Variants in MCC observed in about 807,000 individuals in gnomAD.
MCC encodes colorectal mutant cancer protein.
Under a neutral mutation model 116.2 loss-of-function variants are expected in MCC, and 90 were observed. The ratio of observed to expected loss-of-function variants is 0.77; its 90% CI spans 0.65 to 0.92. The LOEUF is 0.92. MCC is among the 40% of genes least tolerant of loss of function. MCC has a pLI of 0.00. For synonymous variants in MCC, 578 were observed against 510.5 expected, an observed-to-expected ratio of 1.13 and a Z score of -1.78; for missense variants, 1,516 against 1,312.2, an observed-to-expected ratio of 1.16 and a Z score of -2.40.
At chr5:113,146,173 T>C (rs1335963159) in intron 4 of MCC, among the ~76,000 whole-genome samples, 1 of 133,152 alleles carries the variant, frequency 7.5e-6, no homozygotes, top group East Asian at 2.3e-4. Flanking sequence ...TCTACACAGA[T>C]CAGACATTTC....
chr5:113,372,572 G>A (rs1453135901), intron 2 of MCC, among the ~76,000 whole-genome samples: 1 of 152,084 alleles, frequency 6.6e-6, no homozygotes, highest in Non-Finnish European at 1.5e-5. Flanking sequence ...AGTGAATACA[G>A]AATTAAGAGA....
chr5:113,179,125 G>A (rs1237319747), intron 3 of MCC, among the ~76,000 whole-genome samples: 1 of 152,164 alleles, frequency 6.6e-6, no homozygotes, highest in Admixed American at 6.5e-5. Context: ...CACAGGCTGT[G>A]CTTTCAGGAA....
At chr5:113,400,776 C>T (rs1475485298) in intron 1 of MCC, among the ~76,000 whole-genome samples, 2 of 152,234 alleles carry the variant, frequency 1.3e-5, no homozygotes, top group East Asian at 1.9e-4. Flanking sequence ...GGTACTTAAA[C>T]AGCTTGGTGG....
chr5:113,460,225 C>G (rs1019457132), intron 1 of MCC, among the ~76,000 whole-genome samples: 41 of 152,164 alleles, frequency 2.7e-4, no homozygotes, highest in Non-Finnish European at 3.7e-4. Flanking sequence ...TGAAGGGAAT[C>G]CTCTTTCCAT....
In MCC at chr5:113,049,121, C is replaced by T. The variant is rs778128112; in HGVS notation, c.2627G>A (p.Ser876Asn). ...GCCAGGTTTGTCTTTGCTGCCGCTG[C>T]TGGTGGAGCTGAGGGATCGCATCCG... ...EQRMRSLSST[S>N]SGSKDKPGKE... The change falls in exon 16 of 19, where the codon AGC becomes AAC. Residue 876 changes from serine to asparagine, a missense_variant. Physicochemically the swap from Ser to Asn is conservative, Grantham distance 46 (BLOSUM62 1). Coordinates refer to ENST00000408903, the MANE Select transcript of MCC (RefSeq NM_001085377.2). 2.5e-6 allele frequency: 4 copies of T among 1,614,212 alleles called. No homozygotes were observed. The East Asian group carries it at 6.7e-5, about 27-fold the overall frequency.
At chr5:113,441,096 AG>A (rs1413106779) in intron 1 of MCC, among the ~76,000 whole-genome samples, 2 of 152,224 alleles carry the variant, frequency 1.3e-5, no homozygotes, top group African/African-American at 2.4e-5. Flanking sequence ...ACACTTTCGG[AG>A]GCTGAGGCGG....
chr5:113,022,421 T>C lies in MCC; in HGVS notation c.*4881A>G, dbSNP rs1252177461. 6.6e-6 allele frequency: 1 copy of C among 152,660 alleles called. No individual in the cohort carries two copies. The highest frequency in any genetic ancestry group is 1.5e-5 in the Non-Finnish European group (1 of 68,038). 9.5% of individuals were successfully genotyped at this position (152,660 alleles called of 1,614,324 possible). On this transcript the variant is annotated 3_prime_UTR_variant, in exon 19 of 19. Coordinates refer to ENST00000408903, the MANE Select transcript of MCC (RefSeq NM_001085377.2). Reference sequence around the variant, plus strand: ...AACTGACAATACATTCAAGCAGGTTTTTCTAATTCAAGTGTATAGCACATA... The same window carrying C: ...AACTGACAATACATTCAAGCAGGTTCTTCTAATTCAAGTGTATAGCACATA...
intron 3 of MCC, among the ~76,000 whole-genome samples, chr5:113,227,669 T>C (rs1249403350): frequency 2.0e-5 from 3 of 152,198 alleles, no homozygotes; most frequent in Non-Finnish European, 4.4e-5. Context: ...GAACAAACAA[T>C]ATGGGGATGG....
At chr5:113,388,455 A>T (rs1453302105) in intron 1 of MCC, among the ~76,000 whole-genome samples, 1 of 152,070 alleles carries the variant, frequency 6.6e-6, no homozygotes, top group Non-Finnish European at 1.5e-5. Flanking sequence ...CCTGGTAGGA[A>T]GTGTTTGGGT....
intron 8 of MCC, among the ~76,000 whole-genome samples, chr5:113,098,529 A>G (rs1756190930): frequency 6.6e-6 from 1 of 152,236 alleles, no homozygotes; most frequent in African/African-American, 2.4e-5. Flanking sequence ...GTGTGAGGAA[A>G]TACATGGTTA....
chr5:113,061,162 C>T (rs1340080931), intron 14 of MCC, among the ~76,000 whole-genome samples: 2 of 152,250 alleles, frequency 1.3e-5, no homozygotes, highest in African/African-American at 2.4e-5. Flanking sequence ...ACAGGCAGCA[C>T]CCTGGCTACC....
At chr5:113,126,633 A>G (rs1758068483) in intron 5 of MCC, among the ~76,000 whole-genome samples, 1 of 152,230 alleles carries the variant, frequency 6.6e-6, no homozygotes, top group Non-Finnish European at 1.5e-5. Context: ...AAATATATAC[A>G]TTAGGTTGAT....
intron 3 of MCC, among the ~76,000 whole-genome samples, chr5:113,232,530 A>G (rs1370373987): frequency 1.3e-5 from 2 of 152,146 alleles, no homozygotes; most frequent in African/African-American, 4.8e-5. Context: ...AAAAAAGCTG[A>G]GATCAGAGAC....
At chr5:113,186,128 T>C (rs1414121626) in intron 3 of MCC, among the ~76,000 whole-genome samples, 1 of 152,176 alleles carries the variant, frequency 6.6e-6, no homozygotes, top group Non-Finnish European at 1.5e-5. Flanking sequence ...TTCCGGGGTA[T>C]TAACATGCCT....
At chr5:113,245,153 G>A (rs1390751002) in intron 3 of MCC, among the ~76,000 whole-genome samples, 1 of 152,098 alleles carries the variant, frequency 6.6e-6, no homozygotes, top group Non-Finnish European at 1.5e-5. Flanking sequence ...GCCGGGCGTG[G>A]TGGCATGTGC....
Position 113,327,234 on chromosome 5 carries a change from G to C in MCC, c.627+13285C>G, listed in dbSNP as rs550311137. Among the ~76,000 whole-genome samples the C allele has an allele frequency of 5.3e-5, 8 of 152,052 alleles. No homozygotes were observed. The East Asian group carries it at 1.2e-3, about 22-fold the overall frequency. On this transcript the variant is annotated intron_variant, in intron 3 of 18. Transcript: ENST00000408903. ...TGAAAAGATAGGTATGTGTGTGTTG[G>C]GGGGTGGGATTTACATTTAACATAA...
At chr5:113,413,640 C>G (rs1313890622) in intron 1 of MCC, among the ~76,000 whole-genome samples, 2 of 151,920 alleles carry the variant, frequency 1.3e-5, no homozygotes, top group African/African-American at 4.8e-5. Flanking sequence ...TTTTTTATTG[C>G]ATCTATTTGA....
At chr5:113,122,102 C>A (rs1254934092) in intron 6 of MCC, among the ~76,000 whole-genome samples, 2 of 152,202 alleles carry the variant, frequency 1.3e-5, no homozygotes, top group Non-Finnish European at 2.9e-5. Context: ...AATTTCAAGA[C>A]CCAACAGTAG....
intron 3 of MCC, among the ~76,000 whole-genome samples, chr5:113,327,561 A>AAAAATATATATATATATAT (rs1480996383): frequency 2.5e-5 from 2 of 80,566 alleles, no homozygotes; most frequent in African/African-American, 5.0e-5. Flanking sequence ...AAAAAAAAAA[A>AAAAATATATATATATATAT]ATATATATAT....
Sources: gnomAD v4.1 joint callset for allele counts (sites outside exome capture counted in the v4.1 genomes callset) on GRCh38, gnomAD v4.1.1 for gene constraint, MANE v1.5 for transcripts, NCBI Gene and HGNC (gene_info 2026-07-23, HGNC 2026-07-21) for gene names.